Variants in SLC35F3 observed in about 807,000 individuals in gnomAD.
SLC35F3 encodes solute carrier family 35 member F3.
In SLC35F3, 25 loss-of-function variants were observed where a neutral mutation model predicts 49.9. That is an observed-to-expected ratio of 0.50 (90% CI 0.37 to 0.70). The LOEUF is 0.70. Among genes scored for constraint, SLC35F3 ranks in the 30% least tolerant of loss-of-function variants. SLC35F3 has a pLI of 0.00. For missense variants in SLC35F3, 525 were observed against 639.8 expected (o/e 0.82, Z 1.94); for synonymous variants, 275 against 265.4 (o/e 1.04, Z -0.35).
chr1:234,157,642 G>A (rs902995360), intron 2 of SLC35F3, among the ~76,000 whole-genome samples: 7 of 152,122 alleles, frequency 4.6e-5, no homozygotes, highest in Non-Finnish European at 1.0e-4. Flanking sequence ...GCAAGGTGGC[G>A]GGGCCCATTT....
At chr1:234,178,837 T>G (rs1355941924) in intron 2 of SLC35F3, among the ~76,000 whole-genome samples, 2 of 152,244 alleles carry the variant, frequency 1.3e-5, no homozygotes, top group African/African-American at 2.4e-5. Context: ...GTACATTCTG[T>G]GGATCTTGAC....
At chr1:234,272,659 T>C (rs1668126118) in intron 3 of SLC35F3, among the ~76,000 whole-genome samples, 1 of 152,260 alleles carries the variant, frequency 6.6e-6, no homozygotes, top group Non-Finnish European at 1.5e-5. Context: ...TTTATTGCTC[T>C]TTCTGAAGAT....
At chr1:233,918,095 C>G (rs1183710558) in intron 2 of SLC35F3, among the ~76,000 whole-genome samples, 1 of 152,192 alleles carries the variant, frequency 6.6e-6, no homozygotes. Flanking sequence ...GATCTTGATC[C>G]CCACCTTTTC....
At chr1:234,116,005 G>A (rs1665481015) in intron 2 of SLC35F3, among the ~76,000 whole-genome samples, 1 of 152,178 alleles carries the variant, frequency 6.6e-6, no homozygotes, top group Non-Finnish European at 1.5e-5. Flanking sequence ...GGGGGAGATG[G>A]TAGATAAAAG....
chr1:233,988,692 G>A (rs930500493), intron 2 of SLC35F3, among the ~76,000 whole-genome samples: 1 of 152,104 alleles, frequency 6.6e-6, no homozygotes, highest in Non-Finnish European at 1.5e-5. Context: ...AAATTATATG[G>A]ACTTCTCTGT....
intron 2 of SLC35F3, among the ~76,000 whole-genome samples, chr1:234,031,917 T>G (rs1664068375): frequency 6.6e-6 from 1 of 152,194 alleles, no homozygotes; most frequent in Non-Finnish European, 1.5e-5. Flanking sequence ...AATTTATGTA[T>G]TATGGACAAA....
chr1:233,980,755 A>G (rs571281267), intron 2 of SLC35F3, among the ~76,000 whole-genome samples: 113 of 152,298 alleles, frequency 7.4e-4, no homozygotes, highest in Non-Finnish European at 1.2e-3. Flanking sequence ...ACAAGTGAGA[A>G]ATTTGAGCTC....
At chr1:233,980,295 T>C (rs1167787736) in intron 2 of SLC35F3, among the ~76,000 whole-genome samples, 2 of 152,202 alleles carry the variant, frequency 1.3e-5, no homozygotes, top group Non-Finnish European at 2.9e-5. Context: ...GCAGCCTGGC[T>C]CTCAAAAGCC....
chr1:234,273,991 A>G (rs1668156692), intron 3 of SLC35F3, among the ~76,000 whole-genome samples: 1 of 152,228 alleles, frequency 6.6e-6, no homozygotes, highest in Non-Finnish European at 1.5e-5. Context: ...TTTTGGTTAA[A>G]AAAAAACCAT....
At chr1:234,256,033 G>A (rs1667816885) in intron 3 of SLC35F3, among the ~76,000 whole-genome samples, 1 of 151,454 alleles carries the variant, frequency 6.6e-6, no homozygotes, top group African/African-American at 2.5e-5. Context: ...ATAATGGGGA[G>A]GAGGGAGTAT....
rs1306541723 is a variant in SLC35F3, at chr1:234,108,184, A to ATATATATATAAAAGATATATATATT, written c.284-123160_284-123136dup. Among the ~76,000 whole-genome samples the ATATATATATAAAAGATATATATATT allele has an allele frequency of 1.4e-3, 161 of 118,254 alleles. 8 individuals are homozygous for ATATATATATAAAAGATATATATATT. Among genetic ancestry groups the ATATATATATAAAAGATATATATATT allele is most frequent in the South Asian group, 4.4e-3 (16 of 3,602 alleles). The allele number at this position is 118,254 out of a possible 152,430, so 77.6% of individuals were successfully genotyped here. Reference sequence around the variant, plus strand: ...ATACCCTGTTTCAAATGGAAGTGAGATATATATATAAAAGATATATATATT... The same window carrying ATATATATATAAAAGATATATATATT: ...ATACCCTGTTTCAAATGGAAGTGAGATATATATATAAAAGATATATATATTTATATATATAAAAGATATATATATT... On this transcript the variant is annotated intron_variant, in intron 2 of 7. Coordinates refer to ENST00000366618, the MANE Select transcript of SLC35F3 (RefSeq NM_173508.4).
At chr1:234,280,471 T>C (rs1668305297) in intron 3 of SLC35F3, among the ~76,000 whole-genome samples, 1 of 152,186 alleles carries the variant, frequency 6.6e-6, no homozygotes, top group African/African-American at 2.4e-5. Context: ...TGGAAGCCAA[T>C]GGAGAGAAGA....
intron 2 of SLC35F3, among the ~76,000 whole-genome samples, chr1:234,034,459 G>A (rs1664110014): frequency 6.6e-6 from 1 of 152,088 alleles, no homozygotes; most frequent in African/African-American, 2.4e-5. Context: ...TCCCCATTCA[G>A]TATAAAGTTG....
chr1:234,133,523 A>G (rs905404960), intron 2 of SLC35F3, among the ~76,000 whole-genome samples: 1 of 152,228 alleles, frequency 6.6e-6, no homozygotes, highest in South Asian at 2.1e-4. Context: ...GGCATCTGAC[A>G]TGGGGGTTAG....
intron 2 of SLC35F3, among the ~76,000 whole-genome samples, chr1:234,184,733 A>G (rs1666608995): frequency 6.6e-6 from 1 of 152,190 alleles, no homozygotes; most frequent in East Asian, 1.9e-4. Flanking sequence ...TCCGCAGGCC[A>G]TGGTGGAGAA....
At chr1:234,074,499 G>A (rs1664765026) in intron 2 of SLC35F3, among the ~76,000 whole-genome samples, 2 of 152,194 alleles carry the variant, frequency 1.3e-5, no homozygotes, top group Admixed American at 1.3e-4. Context: ...GTATATATGA[G>A]TTCTCAGTGC....
At chr1:234,203,709 CAAA>C (rs58588408) in intron 2 of SLC35F3, among the ~76,000 whole-genome samples, 1 of 145,100 alleles carries the variant, frequency 6.9e-6, no homozygotes. Flanking sequence ...GACTCCATCT[CAAA>C]AAAAAAAAAA....
intron 2 of SLC35F3, among the ~76,000 whole-genome samples, chr1:234,112,271 A>G (rs1665418778): frequency 6.6e-6 from 1 of 152,142 alleles, no homozygotes; most frequent in South Asian, 2.1e-4. Flanking sequence ...GGATTCCTTG[A>G]GCCTGGGAGT....
chr1:233,940,996 A>AT (rs935198386), intron 2 of SLC35F3, among the ~76,000 whole-genome samples: 2 of 152,070 alleles, frequency 1.3e-5, no homozygotes, highest in Non-Finnish European at 2.9e-5. Flanking sequence ...CCATAAACTT[A>AT]TTTTTCATTA....
Sources: allele counts gnomAD v4.1 joint callset (sites outside exome capture counted in the v4.1 genomes callset), GRCh38; gene constraint gnomAD v4.1.1; transcripts MANE v1.5; gene names NCBI Gene and HGNC (gene_info 2026-07-23, HGNC 2026-07-21).